Variants in NOS3 observed in about 807,000 individuals in gnomAD.
NOS3 encodes nitric oxide synthase 3.
Under a neutral mutation model 144.9 loss-of-function variants are expected in NOS3, and 98 were observed. The observed-to-expected ratio is 0.68, with a 90% CI of 0.57 to 0.80. The LOEUF (loss-of-function observed/expected upper bound fraction) is 0.80, where lower values mean the gene tolerates loss of function less well. Ranked by LOEUF, NOS3 falls within the 30% of genes least tolerant of loss-of-function variation. NOS3 has a pLI of 0.00. For synonymous variants in NOS3, 714 were observed against 702.4 expected (o/e 1.02, Z -0.26); for missense variants, 1,465 against 1,656.4 (o/e 0.88, Z 2.01).
In NOS3 at chr7:151,014,254, C is replaced by A; in HGVS notation, c.*85C>A. 7.5e-7 allele frequency: 1 copy of A among 1,338,414 alleles called. No homozygotes were observed. The highest frequency in any genetic ancestry group is 1.4e-5 in the South Asian group (1 of 72,878). The allele number at this position is 1,338,414 out of a possible 1,614,324, so 82.9% of individuals were successfully genotyped here. On this transcript the variant is annotated 3_prime_UTR_variant, in exon 27 of 27. Coordinates refer to ENST00000297494, the MANE Select transcript of NOS3 (RefSeq NM_000603.5). ...GACCAGGATCAGCCCCGCTCCTCCCCTCTTGAGGTGGTGCCTTCTCACATC... is the reference window on the plus strand; with the variant it reads ...GACCAGGATCAGCCCCGCTCCTCCCATCTTGAGGTGGTGCCTTCTCACATC...
Position 150,998,816 on chromosome 7 carries a change from T to C in NOS3, c.817-130T>C. ...AGGATGAAAAACACCAAAGGAGGGG[T>C]GCCTGGGTGGTCACGGAGACCCAGC... On this transcript the variant is annotated intron_variant, in intron 7 of 26. Transcript: ENST00000297494. The surrounding 1 kb of genome is among the most constrained non-coding windows in gnomAD (Gnocchi z 5.0). The C allele has an allele frequency of 6.9e-7, 1 of 1,457,126 alleles. No individual in the cohort carries two copies. The highest frequency in any genetic ancestry group is 2.5e-4 in the Middle Eastern group (1 of 4,056). 90.3% of individuals were successfully genotyped at this position (1,457,126 alleles called of 1,614,324 possible). A position where few individuals can be genotyped will look rare whatever the true frequency, so the allele number is the denominator to read the frequency against.
chr7:151,013,955 T>C, intron 26 of NOS3, 37 bp downstream of exon 26: 1 of 1,605,512 alleles, frequency 6.2e-7, no homozygotes, highest in East Asian at 2.2e-5. Context: ...CGTGCGGGGT[T>C]CCTGCTAAGG....
Position 151,011,580 on chromosome 7 carries a change from C to G in NOS3, c.2984+594C>G, listed in dbSNP as rs541989306. On this transcript the variant is annotated intron_variant, in intron 23 of 26. Transcript: ENST00000297494. The stretch of plus-strand genomic sequence containing the variant: ...TGAGCCAAGATTGTGCCACTGCACT[C>G]CAGCCTGGGCGACAGAGCCAGACTC... 1.9e-3 allele frequency among the ~76,000 whole-genome samples: 274 copies of G among 142,528 alleles called. 1 individual carries two copies. Among genetic ancestry groups the G allele is most frequent in the African/African-American group, 6.3e-3 (248 of 39,272 alleles). The allele number at this position is 142,528 out of a possible 152,430, so 93.5% of individuals were successfully genotyped here.
In NOS3 at chr7:151,003,177, G is replaced by A. The variant is rs1795146523; in HGVS notation, c.1752+873G>A. 2.2e-6 allele frequency: 1 copy of A among 453,514 alleles called. No individual in the cohort carries two copies. The highest frequency in any genetic ancestry group is 4.4e-6 in the Non-Finnish European group (1 of 226,660). The allele number at this position is 453,514 out of a possible 1,614,324, so 28.1% of individuals were successfully genotyped here. On this transcript the variant is annotated intron_variant, in intron 14 of 26. Coordinates refer to ENST00000297494, the MANE Select transcript of NOS3 (RefSeq NM_000603.5). This position sits in a 1 kb window ranked among gnomAD's most constrained non-coding sequence, Gnocchi z 4.1. ...GTCTCACTTTGTGGCCCAGGCTGGA[G>A]TGCAGTAGTACAATCACGGCTCACT...
intron 9 of NOS3, 22 bp downstream of exon 9, chr7:150,999,386 G>C: frequency 6.5e-7 from 1 of 1,543,812 alleles, no homozygotes; most frequent in Non-Finnish European, 8.7e-7. Flanking sequence ...GATGGGGCTC[G>C]GGCACCGAAT....
At position 151,001,853 on chromosome 7, in the gene NOS3, C is replaced by T. The variant is rs374247011; in HGVS notation, c.1535C>T (p.Thr512Met). 10 of 1,613,522 alleles carry T rather than the reference C, an allele frequency of 6.2e-6. 1 individual carries two copies. Among genetic ancestry groups the T allele is most frequent in the African/African-American group, 1.3e-5 (1 of 74,912 alleles). Residue 512 changes from threonine (T) to methionine (M), a missense_variant, in exon 13 of 27, where the codon ACG becomes ATG. Around this residue, in one of 5 missense-constraint regions of NOS3, gnomAD observed 745 missense variants for 853.9 expected, o/e 0.87. Transcript: ENST00000297494. ...AAGATCTCCGCCTCGCTCATGGGCA[C>T]GGTGATGGCGAAGCGAGTGAAGGCG... Reference protein sequence around the residue: ...AVKISASLMGTVMAKRVKATI... With the variant: ...AVKISASLMGMVMAKRVKATI...
At position 151,003,352 on chromosome 7, in the gene NOS3, C is replaced by T; in HGVS notation, c.1752+1048C>T. 9.7e-7 allele frequency: 1 copy of T among 1,025,720 alleles called. No homozygotes were observed. The highest frequency in any genetic ancestry group is 1.3e-6 in the Non-Finnish European group (1 of 756,958). The allele number at this position is 1,025,720 out of a possible 1,614,324, so 63.5% of individuals were successfully genotyped here. A position where few individuals can be genotyped will look rare whatever the true frequency, so the allele number is the denominator to read the frequency against. ...TGTTGCCCAGGCTGGTCTCTAACTCCTGGGTTCAAGCAATCCACCTGCCTC... is the reference window on the plus strand; with the variant it reads ...TGTTGCCCAGGCTGGTCTCTAACTCTTGGGTTCAAGCAATCCACCTGCCTC... On this transcript the variant is annotated intron_variant, in intron 14 of 26. Coordinates refer to ENST00000297494, the MANE Select transcript of NOS3 (RefSeq NM_000603.5). This position sits in a 1 kb window ranked among gnomAD's most constrained non-coding sequence, Gnocchi z 4.1.
chr7:151,008,196 G>A (rs1416530861), intron 17 of NOS3, among the ~76,000 whole-genome samples: 1 of 152,200 alleles, frequency 6.6e-6, no homozygotes, highest in Non-Finnish European at 1.5e-5. Flanking sequence ...GAGCTAAGCA[G>A]AGCAGCAGCA....
chr7:151,003,778 C>T lies in NOS3; in HGVS notation c.1752+1474C>T. 4 of 468,052 alleles carry T rather than the reference C, an allele frequency of 8.5e-6. No homozygotes were observed. The highest frequency in any genetic ancestry group is 6.2e-5 in the South Asian group (4 of 64,386). The allele number at this position is 468,052 out of a possible 1,614,324, so 29.0% of individuals were successfully genotyped here. On this transcript the variant is annotated intron_variant, in intron 14 of 26. Transcript: ENST00000297494. The surrounding 1 kb of genome is among the most constrained non-coding windows in gnomAD (Gnocchi z 4.1). ...GCTGAGGCTGTTTTTGAGGCGCACT[C>T]GTGTTGCTGCGTGACTCAGTATTTC...
At chr7:151,000,775 G>T (rs972319244) in intron 10 of NOS3, among the ~76,000 whole-genome samples, 176 bp downstream of exon 10, 3 of 152,168 alleles carry the variant, frequency 2.0e-5, no homozygotes, top group African/African-American at 7.2e-5. Flanking sequence ...GACAGGGCAG[G>T]TACTATTCCA....
At chr7:150,991,858 T>C (rs2117091898) in intron 1 of NOS3, among the ~76,000 whole-genome samples, 1 of 152,096 alleles carries the variant, frequency 6.6e-6, no homozygotes, top group East Asian at 1.9e-4. Flanking sequence ...TAGCCGGGCG[T>C]GGTGGTGGGT....
chr7:151,012,221 T>G, intron 23 of NOS3, 130 bp from the exon 24 acceptor site: 1 of 821,136 alleles, frequency 1.2e-6, no homozygotes, highest in Non-Finnish European at 1.8e-6. Context: ...GTTTTTTGTT[T>G]TTTGTTTTTT....
rs1161712798 is a variant in NOS3 at position 150,998,086 on chromosome 7, G to A, written c.583-271G>A. On this transcript the variant is annotated intron_variant, in intron 5 of 26. Coordinates refer to ENST00000297494, the MANE Select transcript of NOS3 (RefSeq NM_000603.5). The surrounding 1 kb of genome is among the most constrained non-coding windows in gnomAD (Gnocchi z 5.0). ...TAACCCAAGCATCAGTTTGGCAGAG[G>A]CCGAGTCCCTCCTCTGTACTGGATA... 6.6e-6 allele frequency among the ~76,000 whole-genome samples: 1 copy of A among 152,216 alleles called. No homozygotes were observed. Among genetic ancestry groups the A allele is most frequent in the Non-Finnish European group, 1.5e-5 (1 of 68,042 alleles).
rs148542226 is a variant in NOS3, at chr7:151,012,687, G to A, written c.3106+215G>A. 5.3e-4 allele frequency: 280 copies of A among 532,736 alleles called. 1 individual carries two copies. The highest frequency in any genetic ancestry group is 4.6e-3 in the African/African-American group (244 of 53,120). The allele number at this position is 532,736 out of a possible 1,614,324, so 33.0% of individuals were successfully genotyped here. A position where few individuals can be genotyped will look rare whatever the true frequency, so the allele number is the denominator to read the frequency against. ...TGGTGCCTGGTACATAGTAGGTGTTGACTGGATTGAGGACAAAGGAAAATA... is the reference window on the plus strand; with the variant it reads ...TGGTGCCTGGTACATAGTAGGTGTTAACTGGATTGAGGACAAAGGAAAATA... On this transcript the variant is annotated intron_variant, in intron 24 of 26. Transcript: ENST00000297494.
Position 151,014,396 on chromosome 7 carries a change from C to G in NOS3, c.*227C>G. ...TCCGCCTTAATCTGGAAGGCCCCTC[C>G]CAGCAGCGGTACCCCAGGGCCTACT... On this transcript the variant is annotated 3_prime_UTR_variant, in exon 27 of 27. Transcript: ENST00000297494. 1 of 517,042 alleles carries G rather than the reference C, an allele frequency of 1.9e-6. No individual in the cohort carries two copies. The highest frequency in any genetic ancestry group is 1.9e-5 in the African/African-American group (1 of 51,860). The allele number at this position is 517,042 out of a possible 1,614,324, so 32.0% of individuals were successfully genotyped here. A position where few individuals can be genotyped will look rare whatever the true frequency, so the allele number is the denominator to read the frequency against.
chr7:151,009,468 A>G lies in NOS3; in HGVS notation c.2395A>G (p.Ile799Val), dbSNP rs1795259755. The G allele has an allele frequency of 6.5e-7, 1 of 1,545,934 alleles. No individual in the cohort carries two copies. The highest frequency in any genetic ancestry group is 1.2e-5 in the South Asian group (1 of 83,896). ...GCTGCAGTACCAGCCGGGGGACCACATAGGTGTCTGCCCGCCCAACCGGCC... is the reference window on the plus strand; with the variant it reads ...GCTGCAGTACCAGCCGGGGGACCACGTAGGTGTCTGCCCGCCCAACCGGCC... ...EGLQYQPGDH[I>V]GVCPPNRPGL... Residue 799 changes from isoleucine (I) to valine (V), a missense_variant, in exon 20 of 27, where the codon ATA (isoleucine) becomes GTA (valine). This residue lies in a region of NOS3 where 745 missense variants were observed against 853.9 expected (regional missense o/e 0.87). Transcript: ENST00000297494.
At position 150,996,935 on chromosome 7, in the gene NOS3, G is replaced by A; in HGVS notation, c.582+10G>A. The stretch of plus-strand genomic sequence containing the variant: ...GTGGGGGAAGCTGCAGGTGCGGCTG[G>A]CCAGCGACTGAGAGACCCGGGCGCT... On this transcript the variant is annotated intron_variant, in intron 5 of 26. Transcript: ENST00000297494. 6.4e-7 allele frequency: 1 copy of A among 1,553,818 alleles called. No individual in the cohort carries two copies. Among genetic ancestry groups the A allele is most frequent in the South Asian group, 1.2e-5 (1 of 84,520 alleles).
At chr7:150,999,424 C>G (rs1381825021) in intron 9 of NOS3, 60 bp downstream of exon 9, 1 of 1,492,278 alleles carries the variant, frequency 6.7e-7, no homozygotes, top group African/African-American at 1.4e-5. Flanking sequence ...GAGTCTGGCT[C>G]TCACTCCATC....
At chr7:150,996,307 C>T in intron 3 of NOS3, 97 bp from the exon 4 acceptor site, 1 of 155,446 alleles carries the variant, frequency 6.4e-6, no homozygotes, top group South Asian at 4.1e-5. Flanking sequence ...TCCTCCCTCT[C>T]CCCCTGTTCC....
Sources: gnomAD v4.1 joint callset for allele counts (sites outside exome capture counted in the v4.1 genomes callset) on GRCh38, gnomAD v4.1.1 for gene constraint, gnomAD v4.1.1 regional missense constraint, Gnocchi (gnomAD v3.1) non-coding constraint, MANE v1.5 for transcripts, NCBI Gene and HGNC (gene_info 2026-07-23, HGNC 2026-07-21) for gene names.